Variants in ZC3H14 observed in about 807,000 individuals in gnomAD.
ZC3H14 encodes the protein zinc finger CCCH domain-containing protein 14.
Under a neutral mutation model 92.4 loss-of-function variants are expected in ZC3H14, and 31 were observed. The ratio of observed to expected loss-of-function variants is 0.34; its 90% CI spans 0.25 to 0.45. The LOEUF (loss-of-function observed/expected upper bound fraction) is 0.45, where lower values mean the gene tolerates loss of function less well. Among genes scored for constraint, ZC3H14 ranks in the 20% least tolerant of loss-of-function variants. The pLI, the probability that ZC3H14 is intolerant of heterozygous loss-of-function variation, is 1.00. For missense variants in ZC3H14, 781 were observed against 897.3 expected, an observed-to-expected ratio of 0.87 and a Z score of 1.66; for synonymous variants, 321 against 300.9, an observed-to-expected ratio of 1.07 and a Z score of -0.69.
In ZC3H14 at chr14:88,601,993, C is replaced by T. The variant is rs370546299; in HGVS notation, c.1424C>T (p.Ser475Phe). ...TTTATTCTGAAGAAGCCAAAGCTGT[C>T]TGAGGAAGTAGTAGTGGCACCAAAC... ...RSFILKKPKL[S>F]EEVVVAPNQE... is the part of the protein sequence containing the mutation. Residue 475 changes from serine (S) to phenylalanine (F), a missense_variant, in exon 11 of 17, where the codon TCT becomes TTT. Physicochemically the swap from Ser to Phe is radical, Grantham distance 155 (BLOSUM62 -2). Around this residue, in one of 3 missense-constraint regions of ZC3H14, gnomAD observed 454 missense variants for 438.5 expected, o/e 1.04. Transcript: ENST00000251038. 6.2e-7 allele frequency: 1 copy of T among 1,614,158 alleles called. No individual in the cohort carries two copies. Among genetic ancestry groups the T allele is most frequent in the Middle Eastern group, 1.6e-4 (1 of 6,062 alleles).
Position 88,607,222 on chromosome 14 carries a change from T to C in ZC3H14, c.1748-21T>C, listed in dbSNP as rs73321642. 2.7e-4 allele frequency: 437 copies of C among 1,614,036 alleles called. 3 individuals carry two copies. The African/African-American group carries it at 5.4e-3, about 20-fold the overall frequency. On this transcript the variant is annotated intron_variant, in intron 12 of 16. Coordinates refer to ENST00000251038, the MANE Select transcript of ZC3H14 (RefSeq NM_024824.5). Reference sequence around the variant, plus strand: ...ATTGATCATAATGAATGAAATACTTTTATTTCCTTTCCCTTTGTAGCTGAG... The same window carrying C: ...ATTGATCATAATGAATGAAATACTTCTATTTCCTTTCCCTTTGTAGCTGAG...
chr14:88,613,757 C>T lies in ZC3H14; in HGVS notation c.*2006C>T, dbSNP rs1250436893. ...CATTTTATACATAAAATGAATGGAACAAAAGGTGCCAGAAGTCCCAGGTTA... is the reference window on the plus strand; with the variant it reads ...CATTTTATACATAAAATGAATGGAATAAAAGGTGCCAGAAGTCCCAGGTTA... On this transcript the variant is annotated 3_prime_UTR_variant, in exon 17 of 17. Transcript: ENST00000251038. 1.3e-5 allele frequency: 2 copies of T among 152,086 alleles called. No individual in the cohort carries two copies. Among genetic ancestry groups the T allele is most frequent in the Non-Finnish European group, 2.9e-5 (2 of 67,982 alleles). 9.4% of individuals were successfully genotyped at this position (152,086 alleles called of 1,614,324 possible). A position where few individuals can be genotyped will look rare whatever the true frequency, so the allele number is the denominator to read the frequency against.
chr14:88,587,807 A>C (rs1468330258), intron 9 of ZC3H14, among the ~76,000 whole-genome samples: 1 of 151,986 alleles, frequency 6.6e-6, no homozygotes, highest in Non-Finnish European at 1.5e-5. Flanking sequence ...TTTTTTAATT[A>C]GCTGGGTGTG....
Position 88,619,331 on chromosome 14 carries a change from C to G in ZC3H14, c.*7580C>G, listed in dbSNP as rs1168917931. On this transcript the variant is annotated 3_prime_UTR_variant, in exon 17 of 17. Transcript: ENST00000251038. Reference sequence around the variant, plus strand: ...GGTGAGCTGAGATTGCACCATTGCACTTCAGCATGGGCAACAAGAGCAAAA... The same window carrying G: ...GGTGAGCTGAGATTGCACCATTGCAGTTCAGCATGGGCAACAAGAGCAAAA... 1 of 152,476 alleles carries G rather than the reference C, an allele frequency of 6.6e-6. No homozygotes were observed. The highest frequency in any genetic ancestry group is 2.4e-5 in the African/African-American group (1 of 41,450). The allele number at this position is 152,476 out of a possible 1,614,324, so 9.4% of individuals were successfully genotyped here.
intron 9 of ZC3H14, chr14:88,589,241 T>C (rs1007377538): frequency 2.0e-4 from 31 of 152,188 alleles, no homozygotes; most frequent in African/African-American, 7.2e-4. Flanking sequence ...GGCCTTGCAG[T>C]TGTAGAGGAA....
At chr14:88,579,284 G>A (rs2081586406) in intron 9 of ZC3H14, among the ~76,000 whole-genome samples, 2 of 152,080 alleles carry the variant, frequency 1.3e-5, no homozygotes, top group Non-Finnish European at 2.9e-5. Flanking sequence ...AGTTTGCCAT[G>A]ACAGCGTTAT....
At chr14:88,609,471 G>A (rs1318492935) in intron 14 of ZC3H14, 68 bp downstream of exon 14, 2 of 1,607,502 alleles carry the variant, frequency 1.2e-6, no homozygotes, top group Admixed American at 1.7e-5. Flanking sequence ...ACTGTAAATG[G>A]AATTGAACAA....
chr14:88,610,968 GTCAGT>G (rs777351236), intron 16 of ZC3H14, 28 bp downstream of exon 16: 3 of 1,556,400 alleles, frequency 1.9e-6, no homozygotes, highest in South Asian at 1.1e-5. Context: ...TTTTTCTCAT[GTCAGT>G]TCAAATTCTT....
chr14:88,578,189 G>A, intron 9 of ZC3H14, 49 bp downstream of exon 9: 1 of 1,598,942 alleles, frequency 6.3e-7, no homozygotes, highest in Non-Finnish European at 8.6e-7. Flanking sequence ...TTTTCATGAG[G>A]CATTGAATAT....
intron 2 of ZC3H14, 132 bp from the exon 3 acceptor site, chr14:88,567,907 C>A: frequency 1.3e-6 from 1 of 752,134 alleles, no homozygotes. Context: ...GCTAAGCCAT[C>A]TTGTCCAATG....
At chr14:88,565,267 G>T (rs772469139) in intron 2 of ZC3H14, among the ~76,000 whole-genome samples, 1 of 151,880 alleles carries the variant, frequency 6.6e-6, no homozygotes, top group Non-Finnish European at 1.5e-5. Context: ...TCAGCCTCCC[G>T]AGTAGCTGGG....
At chr14:88,576,742 T>C (rs957427734) in intron 8 of ZC3H14, among the ~76,000 whole-genome samples, 1 of 152,210 alleles carries the variant, frequency 6.6e-6, no homozygotes, top group Non-Finnish European at 1.5e-5. Flanking sequence ...TCGCTTTTTT[T>C]TGTGACCCCC....
rs1242230169 is a variant in ZC3H14, at chr14:88,622,822, GC to G, written c.*11074del. On this transcript the variant is annotated 3_prime_UTR_variant, in exon 17 of 17. Coordinates refer to ENST00000251038, the MANE Select transcript of ZC3H14 (RefSeq NM_024824.5). ...AGCAGAATCTTTTTTTTTTAAAAAG[GC>G]CCTGATATTTATAATTTACCTCTAA... 1.6e-6 allele frequency: 1 copy of G among 634,072 alleles called. No homozygotes were observed. The highest frequency in any genetic ancestry group is 3.3e-5 in the East Asian group (1 of 30,290). The allele number at this position is 634,072 out of a possible 1,614,324, so 39.3% of individuals were successfully genotyped here.
chr14:88,578,231 AT>A (rs1330898471), intron 9 of ZC3H14, 91 bp downstream of exon 9: 48 of 1,486,208 alleles, frequency 3.2e-5, no homozygotes, highest in Non-Finnish European at 4.3e-5. Flanking sequence ...ATATTACACT[AT>A]GAAAAAAGTG....
intron 12 of ZC3H14, among the ~76,000 whole-genome samples, chr14:88,606,622 C>T (rs1177083955): frequency 1.3e-5 from 2 of 151,836 alleles, no homozygotes; most frequent in Non-Finnish European, 2.9e-5. Flanking sequence ...GTGGCACGTG[C>T]TACTTGGTAG....
intron 6 of ZC3H14, chr14:88,574,272 GTC>G (rs761138129): frequency 2.3e-5 from 4 of 170,942 alleles, no homozygotes; most frequent in East Asian, 3.3e-4. Context: ...TTGATACGGT[GTC>G]TCACTCTGTC....
intron 12 of ZC3H14, among the ~76,000 whole-genome samples, chr14:88,604,819 C>T (rs2085129986): frequency 6.6e-6 from 1 of 152,142 alleles, no homozygotes; most frequent in Non-Finnish European, 1.5e-5. Context: ...ATCTCCAACT[C>T]CTGACCTCAA....
chr14:88,576,866 C>T lies in ZC3H14; in HGVS notation c.1123+926C>T, dbSNP rs529332570. The stretch of plus-strand genomic sequence containing the variant: ...AGTGCAGTGGTGTGATCTTGGCTTA[C>T]TGCAATCTCTGCCTCCTGGGTCCAA... On this transcript the variant is annotated intron_variant, in intron 8 of 16. Coordinates refer to ENST00000251038, the MANE Select transcript of ZC3H14 (RefSeq NM_024824.5). 1.4e-3 allele frequency among the ~76,000 whole-genome samples: 213 copies of T among 152,234 alleles called. 3 individuals carry two copies. The highest frequency in any genetic ancestry group is 2.7e-3 in the Non-Finnish European group (186 of 68,030).
intron 13 of ZC3H14, chr14:88,609,006 G>A: frequency 2.1e-6 from 1 of 477,134 alleles, no homozygotes; most frequent in Non-Finnish European, 3.8e-6. Flanking sequence ...ATTAAGTGGT[G>A]TGATTTTTAT....
Sources: allele counts gnomAD v4.1 joint callset (sites outside exome capture counted in the v4.1 genomes callset), GRCh38; gene constraint gnomAD v4.1.1; regional missense constraint gnomAD v4.1.1; transcripts MANE v1.5; gene names NCBI Gene and HGNC (gene_info 2026-07-23, HGNC 2026-07-21).